CNBD1: variants seen among roughly 807,000 people sequenced by gnomAD.
The protein encoded by CNBD1 is cyclic nucleotide-binding domain-containing protein 1.
CNBD1 carries 71 observed loss-of-function variants against 54.4 expected under a neutral mutation model. The observed-to-expected ratio is 1.30, with a 90% CI of 1.08 to 1.59. The LOEUF (loss-of-function observed/expected upper bound fraction) is 1.59, where lower values mean the gene tolerates loss of function less well. Ranked by LOEUF, CNBD1 falls within the 40% of genes most tolerant of loss-of-function variation. CNBD1 has a pLI of 0.00. For missense variants in CNBD1, 659 were observed against 518.0 expected, an observed-to-expected ratio of 1.27 and a Z score of -2.64; for synonymous variants, 182 against 170.7, an observed-to-expected ratio of 1.07 and a Z score of -0.51.
chr8:87,341,251 C>G (rs1810057827), intron 8 of CNBD1, among the ~76,000 whole-genome samples: 1 of 152,038 alleles, frequency 6.6e-6, no homozygotes, highest in Non-Finnish European at 1.5e-5. Flanking sequence ...CTTCCCAGCT[C>G]TTTTTTTCTC....
At chr8:87,067,876 A>C in intron 4 of CNBD1, among the ~76,000 whole-genome samples, 1 of 152,054 alleles carries the variant, frequency 6.6e-6, no homozygotes, top group East Asian at 1.9e-4. Flanking sequence ...CTATCCTTTG[A>C]TTTTCATGCT....
intron 10 of CNBD1, among the ~76,000 whole-genome samples, chr8:87,367,438 A>G (rs1236599856): frequency 6.6e-6 from 1 of 151,896 alleles, no homozygotes; most frequent in Non-Finnish European, 1.5e-5. Context: ...TTAGAACAGA[A>G]CTCTTCGAGA....
At chr8:86,965,653 G>T (rs970904700) in intron 4 of CNBD1, among the ~76,000 whole-genome samples, 1 of 152,166 alleles carries the variant, frequency 6.6e-6, no homozygotes, top group East Asian at 1.9e-4. Context: ...AATGTTACGG[G>T]ATCTTTGGGG....
chr8:87,192,098 T>C (rs1813623701), intron 4 of CNBD1, among the ~76,000 whole-genome samples: 1 of 152,136 alleles, frequency 6.6e-6, no homozygotes, highest in Non-Finnish European at 1.5e-5. Context: ...AAAATTGTTG[T>C]CATACAAAGG....
At chr8:87,112,532 G>A (rs1162768819) in intron 4 of CNBD1, among the ~76,000 whole-genome samples, 2 of 152,174 alleles carry the variant, frequency 1.3e-5, no homozygotes, top group Non-Finnish European at 2.9e-5. Flanking sequence ...GTTGATTAGT[G>A]ATTGGAGCCT....
chr8:87,020,446 G>A (rs969674761), intron 4 of CNBD1, among the ~76,000 whole-genome samples: 2 of 152,116 alleles, frequency 1.3e-5, no homozygotes, highest in Non-Finnish European at 2.9e-5. Flanking sequence ...TGTGGGAACC[G>A]ATGCTGTTTA....
At chr8:87,224,508 C>T (rs1814429713) in intron 5 of CNBD1, among the ~76,000 whole-genome samples, 1 of 151,152 alleles carries the variant, frequency 6.6e-6, no homozygotes, top group South Asian at 2.1e-4. Context: ...GAATCCTTTC[C>T]CCATTGCTTG....
chr8:87,332,263 G>A lies in CNBD1; in HGVS notation c.1043-19422G>A, dbSNP rs189069894. 3.3e-3 allele frequency among the ~76,000 whole-genome samples: 497 copies of A among 151,896 alleles called. 2 individuals carry two copies. The highest frequency in any genetic ancestry group is 0.011 in the African/African-American group (455 of 41,414). On this transcript the variant is annotated intron_variant, in intron 8 of 10. Transcript: ENST00000518476. ...TTCTGGAGGCTGAGTCAGGAGAATC[G>A]CTTGAACGCAGGAGGCGGAGGTTGC...
intron 3 of CNBD1, among the ~76,000 whole-genome samples, chr8:86,938,777 G>A (rs1302336908): frequency 6.6e-6 from 1 of 152,172 alleles, no homozygotes; most frequent in Non-Finnish European, 1.5e-5. Flanking sequence ...CATGGTTAGT[G>A]TTAACAGGAT....
At chr8:87,247,614 AG>A (rs1807833037) in intron 6 of CNBD1, among the ~76,000 whole-genome samples, 1 of 137,168 alleles carries the variant, frequency 7.3e-6, no homozygotes, top group African/African-American at 3.0e-5. Flanking sequence ...ATATGCTGCC[AG>A]GGGTGATTTT....
chr8:87,338,230 A>T (rs1809988241), intron 8 of CNBD1, among the ~76,000 whole-genome samples: 1 of 152,172 alleles, frequency 6.6e-6, no homozygotes, highest in Non-Finnish European at 1.5e-5. Context: ...TGCCATAATG[A>T]ATTTTGCTTA....
chr8:87,039,072 T>C (rs1272201957), intron 4 of CNBD1, among the ~76,000 whole-genome samples: 2 of 152,210 alleles, frequency 1.3e-5, no homozygotes, highest in Non-Finnish European at 2.9e-5. Context: ...TCCAAAACTG[T>C]AATGACCTCT....
chr8:86,959,368 T>C (rs556125204), intron 4 of CNBD1, among the ~76,000 whole-genome samples: 40 of 152,334 alleles, frequency 2.6e-4, no homozygotes, highest in African/African-American at 8.9e-4. Flanking sequence ...TGGCGTTCTC[T>C]GTATTTCCTG....
intron 4 of CNBD1, among the ~76,000 whole-genome samples, chr8:87,170,674 A>G (rs1459935570): frequency 1.3e-5 from 2 of 152,100 alleles, no homozygotes; most frequent in African/African-American, 4.8e-5. Context: ...TGTTCTTTCT[A>G]TACCCAGTTT....
chr8:87,091,139 CAAAA>C lies in CNBD1; in HGVS notation c.432-114836_432-114833del, dbSNP rs751329879. Among the ~76,000 whole-genome samples, 100 of 74,040 alleles carry C rather than the reference CAAAA, an allele frequency of 1.4e-3. 2 individuals carry two copies. Among genetic ancestry groups the C allele is most frequent in the African/African-American group, 4.9e-3 (99 of 20,116 alleles). The allele number at this position is 74,040 out of a possible 152,430, so 48.6% of individuals were successfully genotyped here. On this transcript the variant is annotated intron_variant, in intron 4 of 10. Transcript: ENST00000518476. ...TGGGTGACAGAGTGAGACTCTGTCT[CAAAA>C]AAAAAAAAAAAAAAAAAGTTAATCT...
At chr8:87,183,129 T>TA (rs746961098) in intron 4 of CNBD1, among the ~76,000 whole-genome samples, 4 of 152,202 alleles carry the variant, frequency 2.6e-5, no homozygotes, top group Non-Finnish European at 5.9e-5. Context: ...GCTAGACAGT[T>TA]ATCCCAGCAC....
chr8:87,372,798 C>G lies in CNBD1; in HGVS notation c.1304-9822C>G, dbSNP rs116452970. Among the ~76,000 whole-genome samples, 1,091 of 151,834 alleles carry G rather than the reference C, an allele frequency of 7.2e-3. 12 individuals carry two copies. The highest frequency in any genetic ancestry group is 0.025 in the African/African-American group (1,029 of 41,494). ...GCAAATTTTCACTAGATGTCTAGAA[C>G]AAATTTATTTCTGTATGTAAACTAT... On this transcript the variant is annotated intron_variant, in intron 10 of 10. Coordinates refer to ENST00000518476, the MANE Select transcript of CNBD1 (RefSeq NM_173538.3).
At chr8:87,047,560 G>C (rs1271743624) in intron 4 of CNBD1, among the ~76,000 whole-genome samples, 1 of 152,202 alleles carries the variant, frequency 6.6e-6, no homozygotes, top group East Asian at 1.9e-4. Context: ...ATCTGTTACT[G>C]CCATCCCTGC....
chr8:87,233,275 T>TAG (rs956615412), intron 5 of CNBD1, among the ~76,000 whole-genome samples: 3 of 152,192 alleles, frequency 2.0e-5, no homozygotes, highest in African/African-American at 4.8e-5. Context: ...TCCTGCCTTC[T>TAG]AGACTAGCAT....
Sources: allele counts gnomAD v4.1 joint callset (sites outside exome capture counted in the v4.1 genomes callset), GRCh38; gene constraint gnomAD v4.1.1; transcripts MANE v1.5; gene names NCBI Gene and HGNC (gene_info 2026-07-23, HGNC 2026-07-21).